Variants in SLC16A3 observed in about 807,000 individuals in gnomAD.
The protein encoded by SLC16A3 is monocarboxylate transporter 4.
Under a neutral mutation model 25.0 loss-of-function variants are expected in SLC16A3, and 22 were observed. The observed-to-expected ratio is 0.88, with a 90% CI of 0.63 to 1.26. The LOEUF is 1.26. Ranked by LOEUF, SLC16A3 falls within the 50% of genes most tolerant of loss-of-function variation. SLC16A3 has a pLI of 0.00. For missense variants in SLC16A3, 731 were observed against 666.6 expected, an observed-to-expected ratio of 1.10 and a Z score of -1.06; for synonymous variants, 390 against 309.2, an observed-to-expected ratio of 1.26 and a Z score of -2.74.
chr17:82,227,305 T>C (rs909497197), upstream of SLC16A3, among the ~76,000 whole-genome samples: 5 of 151,902 alleles, frequency 3.3e-5, no homozygotes, highest in Non-Finnish European at 7.4e-5. Flanking sequence ...CCCCTGTTGC[T>C]GCTCTACGGT....
upstream of SLC16A3, among the ~76,000 whole-genome samples, chr17:82,223,735 A>C (rs76792732): frequency 7.9e-5 from 12 of 152,168 alleles, no homozygotes; most frequent in Non-Finnish European, 1.8e-4. Context: ...ACAGAGCAAG[A>C]GACTGAGGTC....
intron 4 of SLC16A3, 151 bp from the exon 5 acceptor site, chr17:82,238,551 G>A (rs2050677249): frequency 4.4e-6 from 3 of 688,634 alleles, no homozygotes; most frequent in African/African-American, 1.8e-5. Context: ...TGAAACACAT[G>A]GAGGGGAGAG....
At chr17:82,233,033 C>A (rs1370854274) in intron 1 of SLC16A3, among the ~76,000 whole-genome samples, 1 of 152,048 alleles carries the variant, frequency 6.6e-6, no homozygotes, top group South Asian at 2.1e-4. Flanking sequence ...CAGGGTTGTC[C>A]CTGGAACACC....
At chr17:82,233,465 G>A (rs965659889) in intron 1 of SLC16A3, among the ~76,000 whole-genome samples, 15 of 152,074 alleles carry the variant, frequency 9.9e-5, no homozygotes, top group Non-Finnish European at 1.8e-4. Context: ...ATTCAGGGGC[G>A]CCGCGTCTCC....
intron 1 of SLC16A3, among the ~76,000 whole-genome samples, chr17:82,222,696 G>A (rs989439831): frequency 6.6e-6 from 1 of 151,890 alleles, no homozygotes; most frequent in Non-Finnish European, 1.5e-5. Context: ...CCAGCTACTC[G>A]GGAGGCTGAG....
At chr17:82,224,188 G>A (rs1259488828), upstream of SLC16A3, among the ~76,000 whole-genome samples, 5 of 80,004 alleles carry the variant, frequency 6.2e-5, no homozygotes, top group Admixed American at 1.2e-4. Flanking sequence ...CCCTACACCC[G>A]TGCACAGACA....
chr17:82,237,966 A>T, intron 4 of SLC16A3, 73 bp downstream of exon 4: 1 of 1,504,486 alleles, frequency 6.6e-7, no homozygotes. Context: ...GAGGGGGGGG[A>T]CGCGCACCCC....
chr17:82,236,783 T>C lies in SLC16A3; in HGVS notation c.278T>C (p.Val93Ala), dbSNP rs1568538937. 2 of 1,608,928 alleles carry C rather than the reference T, an allele frequency of 1.2e-6. No homozygotes were observed. Among genetic ancestry groups the C allele is most frequent in the Admixed American group, 3.3e-5 (2 of 60,026 alleles). ...NRFGCRPVML[V>A]GGLFASLGMV... The stretch of plus-strand genomic sequence containing the variant: ...TTTGGCTGCCGGCCCGTCATGCTTG[T>C]GGGGGGTCTCTTTGCGTCGCTGGGC... Residue 93 changes from valine to alanine, a missense_variant, in exon 3 of 5, where the codon GTG (valine) becomes GCG (alanine). Val to Ala is a moderately conservative substitution (Grantham distance 64). Transcript: ENST00000582743.
At chr17:82,226,097 G>A (rs114724051), upstream of SLC16A3, among the ~76,000 whole-genome samples, 25 of 152,056 alleles carry the variant, frequency 1.6e-4, no homozygotes, top group Non-Finnish European at 2.5e-4. Flanking sequence ...GGAAGGACCT[G>A]GGGGCCAGGC....
rs200402316 is a variant in SLC16A3 at position 82,236,774 on chromosome 17, T to C, written c.269T>C (p.Val90Ala). 5.7e-5 allele frequency: 92 copies of C among 1,608,906 alleles called. No homozygotes were observed. In the African/African-American group the frequency reaches 1.2e-3, roughly 21 times the overall value. The change falls in exon 3 of 5, where the codon GTC becomes GCC. Residue 90 changes from valine to alanine, a missense_variant. Coordinates refer to ENST00000582743, the MANE Select transcript of SLC16A3 (RefSeq NM_004207.4). ...GTGAACCGCTTTGGCTGCCGGCCCG[T>C]CATGCTTGTGGGGGGTCTCTTTGCG... is the stretch of plus-strand genomic sequence containing the variant. ...VCVNRFGCRP[V>A]MLVGGLFASL...
intron 2 of SLC16A3, 41 bp from the exon 3 acceptor site, chr17:82,236,688 T>C: frequency 1.3e-6 from 2 of 1,585,476 alleles, no homozygotes; most frequent in Non-Finnish European, 1.7e-6. Flanking sequence ...GGGGTAGAGC[T>C]GGCTGCAGGC....
At chr17:82,219,197 G>A (rs964247555) in intron 1 of SLC16A3, among the ~76,000 whole-genome samples, 12 of 152,098 alleles carry the variant, frequency 7.9e-5, no homozygotes, top group Non-Finnish European at 1.2e-4. Context: ...GAGGACACCC[G>A]GGACCAGGCA....
upstream of SLC16A3, among the ~76,000 whole-genome samples, chr17:82,224,753 T>G (rs1263326543): frequency 1.3e-5 from 2 of 150,540 alleles, no homozygotes; most frequent in Non-Finnish European, 3.0e-5. Context: ...CCAACATCCA[T>G]GCACAGACGC....
chr17:82,231,059 T>G (rs1322437068), intron 1 of SLC16A3: 4 of 152,112 alleles, frequency 2.6e-5, no homozygotes, highest in African/African-American at 4.8e-5. Context: ...CGCCGGCAAT[T>G]ACGGTAGCGT....
upstream of SLC16A3, chr17:82,228,319 G>C (rs2050440741): frequency 6.6e-6 from 1 of 152,318 alleles, no homozygotes; most frequent in African/African-American, 2.4e-5. Context: ...CCCGGCCTCC[G>C]CGTCGGGTTC....
Position 82,239,986 on chromosome 17 carries a change from C to G in SLC16A3, c.*1010C>G, listed in dbSNP as rs959641111. On this transcript the variant is annotated 3_prime_UTR_variant, in exon 5 of 5. Transcript: ENST00000582743. ...AGGCCGCCGGGGCCCTCAGTAGGTG[C>G]GTCGTGGGCGCTGGGGACGGCAGCG... The G allele has an allele frequency of 8.1e-7, 1 of 1,233,408 alleles. No individual in the cohort carries two copies. Among genetic ancestry groups the G allele is most frequent in the African/African-American group, 1.6e-5 (1 of 64,470 alleles). 76.4% of individuals were successfully genotyped at this position (1,233,408 alleles called of 1,614,324 possible).
chr17:82,237,763 C>G lies in SLC16A3; in HGVS notation c.993C>G (p.Ser331=). The G allele has an allele frequency of 6.2e-7, 1 of 1,612,092 alleles. No homozygotes were observed. The highest frequency in any genetic ancestry group is 1.1e-5 in the South Asian group (1 of 91,088). Residue 331 remains serine, a synonymous_variant, in exon 4 of 5, where the codon TCC becomes TCG. Coordinates refer to ENST00000582743, the MANE Select transcript of SLC16A3 (RefSeq NM_004207.4). ...TCTTCTGCATCTTCTTTGGCATCTCCTACGGCATGGTGGGGGCCCTGCAGT... is the reference window on the plus strand; with the variant it reads ...TCTTCTGCATCTTCTTTGGCATCTCGTACGGCATGGTGGGGGCCCTGCAGT... The part of the protein sequence containing the change: ...LVVFCIFFGI[S]YGMVGALQFE...
At chr17:82,219,861 C>T (rs1392940784) in intron 1 of SLC16A3, among the ~76,000 whole-genome samples, 1 of 152,166 alleles carries the variant, frequency 6.6e-6, no homozygotes. Context: ...CCATGGCAGA[C>T]CCAGGGCCGA....
intron 1 of SLC16A3, chr17:82,230,016 A>T (rs1024636566): frequency 6.6e-6 from 1 of 152,592 alleles, no homozygotes; most frequent in Admixed American, 6.5e-5. Context: ...TGGGCGGGAA[A>T]TGGCAGTTGG....
Sources: gnomAD v4.1 joint callset for allele counts (sites outside exome capture counted in the v4.1 genomes callset) on GRCh38, gnomAD v4.1.1 for gene constraint, MANE v1.5 for transcripts, NCBI Gene and HGNC (gene_info 2026-07-23, HGNC 2026-07-21) for gene names.